Variants in IL1RAPL1 observed in about 807,000 individuals in gnomAD.
IL1RAPL1 encodes the protein interleukin-1 receptor accessory protein-like 1.
IL1RAPL1 carries 3 observed loss-of-function variants against 48.4 expected under a neutral mutation model. That is an observed-to-expected ratio of 0.06 (90% CI 0.03 to 0.16). The LOEUF is 0.16. Ranked by LOEUF, IL1RAPL1 falls within the 10% of genes least tolerant of loss-of-function variation. The pLI, the probability that IL1RAPL1 is intolerant of heterozygous loss-of-function variation, is 1.00. For synonymous variants in IL1RAPL1, 185 were observed against 187.7 expected, an observed-to-expected ratio of 0.99 and a Z score of 0.12; for missense variants, 349 against 530.6, an observed-to-expected ratio of 0.66 and a Z score of 3.36.
At chrX:29,570,357 A>G (rs762306460) in intron 5 of IL1RAPL1, among the ~76,000 whole-genome samples, 18 of 112,504 alleles carry the variant, frequency 1.6e-4, no homozygotes, top group African/African-American at 5.8e-4. Flanking sequence ...CATATAAGCT[A>G]ATTTTTATTT....
Position 28,631,452 on chromosome X carries a change from C to T in IL1RAPL1, c.-25+43405C>T, listed in dbSNP as rs915257120. On this transcript the variant is annotated intron_variant, in intron 1 of 10. Coordinates refer to ENST00000378993, the MANE Select transcript of IL1RAPL1 (RefSeq NM_014271.4). ...AAAATAAAATAAATATCTAATTGCACACTGTAATAAGTGCTCTAGGGTAAA... is the reference window on the plus strand; with the variant it reads ...AAAATAAAATAAATATCTAATTGCATACTGTAATAAGTGCTCTAGGGTAAA... Among the ~76,000 whole-genome samples the T allele has an allele frequency of 3.6e-5, 4 of 111,929 alleles. No homozygotes were observed. The East Asian group carries it at 1.1e-3, about 31-fold the overall frequency.
chrX:28,638,901 A>G (rs1934499953), intron 1 of IL1RAPL1, among the ~76,000 whole-genome samples: 1 of 111,091 alleles, frequency 9.0e-6, no homozygotes, highest in Non-Finnish European at 1.9e-5. Flanking sequence ...TTGTTGATGT[A>G]ATTATATCAA....
At chrX:29,051,879 T>A (rs1005053017) in intron 2 of IL1RAPL1, among the ~76,000 whole-genome samples, 1 of 112,426 alleles carries the variant, frequency 8.9e-6, no homozygotes, top group Non-Finnish European at 1.9e-5. Context: ...AATTGACTTT[T>A]GTCCAGCATC....
At chrX:28,796,401 A>G (rs1191912926) in intron 2 of IL1RAPL1, among the ~76,000 whole-genome samples, 1 of 112,020 alleles carries the variant, frequency 8.9e-6, no homozygotes, top group Non-Finnish European at 1.9e-5. Context: ...CCTTCGGCCT[A>G]TGAGCCTGTA....
At chrX:29,415,095 A>G (rs1422569630) in intron 5 of IL1RAPL1, among the ~76,000 whole-genome samples, 2 of 111,978 alleles carry the variant, frequency 1.8e-5, no homozygotes, top group Non-Finnish European at 1.9e-5. Flanking sequence ...AAAGATTCCA[A>G]CATATTTTAT....
chrX:28,764,781 A>C (rs370364687), intron 1 of IL1RAPL1, among the ~76,000 whole-genome samples: 8 of 110,445 alleles, frequency 7.2e-5, no homozygotes, highest in African/African-American at 2.3e-4. Flanking sequence ...TTATTGCATA[A>C]AATTCATGCT....
At chrX:29,478,561 C>A (rs1935002712) in intron 5 of IL1RAPL1, among the ~76,000 whole-genome samples, 1 of 110,683 alleles carries the variant, frequency 9.0e-6, no homozygotes, top group Non-Finnish European at 1.9e-5. Flanking sequence ...CAGAACACCC[C>A]CAGGGTCTTT....
intron 2 of IL1RAPL1, among the ~76,000 whole-genome samples, chrX:28,839,236 A>G (rs921040108): frequency 3.6e-5 from 4 of 111,400 alleles, no homozygotes; most frequent in Non-Finnish European, 5.7e-5. Context: ...GAATTTTAGT[A>G]ATATCTCTAA....
At chrX:29,377,412 G>A (rs1181657366) in intron 3 of IL1RAPL1, among the ~76,000 whole-genome samples, 1 of 111,713 alleles carries the variant, frequency 9.0e-6, no homozygotes, top group Non-Finnish European at 1.9e-5. Flanking sequence ...GTAGTTAGCT[G>A]GTTGTTATGT....
intron 3 of IL1RAPL1, among the ~76,000 whole-genome samples, chrX:29,386,005 C>T (rs1360866614): frequency 8.9e-6 from 1 of 111,862 alleles, no homozygotes; most frequent in East Asian, 2.8e-4. Context: ...GTTGTCCAAC[C>T]CCCAACACAC....
chrX:29,143,883 C>T (rs921933461), intron 2 of IL1RAPL1, among the ~76,000 whole-genome samples: 7 of 111,615 alleles, frequency 6.3e-5, no homozygotes, highest in African/African-American at 2.0e-4. Context: ...AATGTATTCC[C>T]GTCAGATAAG....
intron 5 of IL1RAPL1, among the ~76,000 whole-genome samples, chrX:29,554,886 C>T (rs967132582): frequency 8.9e-6 from 1 of 112,470 alleles, no homozygotes; most frequent in Admixed American, 9.4e-5. Flanking sequence ...CCTAGTTTAA[C>T]TATTTGCTAA....
chrX:29,339,466 G>T (rs1020512894), intron 3 of IL1RAPL1, among the ~76,000 whole-genome samples: 3 of 111,538 alleles, frequency 2.7e-5, no homozygotes, highest in Non-Finnish European at 5.7e-5. Context: ...AAGTGGGGAA[G>T]GGGTATGAAA....
chrX:29,382,714 T>C (rs1422401722), intron 3 of IL1RAPL1, among the ~76,000 whole-genome samples: 2 of 111,765 alleles, frequency 1.8e-5, no homozygotes, highest in African/African-American at 6.5e-5. Flanking sequence ...TATTTATTTC[T>C]GTACTGCTGC....
At chrX:29,531,068 T>G (rs1398209434) in intron 5 of IL1RAPL1, among the ~76,000 whole-genome samples, 2 of 112,045 alleles carry the variant, frequency 1.8e-5, no homozygotes, top group Non-Finnish European at 3.8e-5. Flanking sequence ...CTATTACTTT[T>G]CACTTTTAAT....
chrX:29,714,557 A>ATAT lies in IL1RAPL1; in HGVS notation c.778+46055_778+46057dup, dbSNP rs751472896. ...TCTCAGCTCTAGCACATTTTATATG[A>ATAT]TATTTGGATATATTGGTTTGGAAGG... On this transcript the variant is annotated intron_variant, in intron 6 of 10. Coordinates refer to ENST00000378993, the MANE Select transcript of IL1RAPL1 (RefSeq NM_014271.4). Among the ~76,000 whole-genome samples, 495 of 112,029 alleles carry ATAT rather than the reference A, an allele frequency of 4.4e-3. 4 individuals are homozygous for ATAT. Among genetic ancestry groups the ATAT allele is most frequent in the African/African-American group, 0.015 (472 of 30,944 alleles).
At chrX:29,402,189 A>G (rs765869827) in intron 5 of IL1RAPL1, among the ~76,000 whole-genome samples, 6 of 111,738 alleles carry the variant, frequency 5.4e-5, no homozygotes, top group Middle Eastern at 4.6e-3. Context: ...TCTATCTTTT[A>G]TTAGCCTTAC....
chrX:29,286,614 A>G (rs1245414540), intron 3 of IL1RAPL1, among the ~76,000 whole-genome samples: 1 of 111,999 alleles, frequency 8.9e-6, no homozygotes, highest in Non-Finnish European at 1.9e-5. Context: ...TCTTGAGGCC[A>G]GGAGTTTGAG....
At chrX:29,570,358 A>C (rs1922554045) in intron 5 of IL1RAPL1, among the ~76,000 whole-genome samples, 1 of 112,451 alleles carries the variant, frequency 8.9e-6, no homozygotes, top group African/African-American at 3.2e-5. Context: ...ATATAAGCTA[A>C]TTTTTATTTT....
Sources: gnomAD v4.1 joint callset for allele counts (sites outside exome capture counted in the v4.1 genomes callset) on GRCh38, gnomAD v4.1.1 for gene constraint, MANE v1.5 for transcripts, NCBI Gene and HGNC (gene_info 2026-07-23, HGNC 2026-07-21) for gene names.